SEL1L: variants seen among roughly 807,000 people sequenced by gnomAD.
SEL1L encodes the protein SEL1L adaptor subunit of SYVN1 ubiquitin ligase, also known as protein sel-1 homolog 1.
SEL1L carries 52 observed loss-of-function variants against 109.8 expected under a neutral mutation model. That is an observed-to-expected ratio of 0.47 (90% confidence interval 0.38 to 0.60). The LOEUF is 0.60. SEL1L is among the 20% of genes least tolerant of loss of function. SEL1L has a pLI of 0.00. For missense variants in SEL1L, 749 were observed against 962.2 expected, an observed-to-expected ratio of 0.78 and a Z score of 2.93; for synonymous variants, 373 against 339.6, an observed-to-expected ratio of 1.10 and a Z score of -1.08.
rs546776564 is a variant in SEL1L, at chr14:81,526,930, T to C, written c.143A>G (p.His48Arg). ...AGCAACTACTCTGCCTGCAGTAGTATGGTCCTTTACTGACTCATCTGATGT... is the reference window on the plus strand; with the variant it reads ...AGCAACTACTCTGCCTGCAGTAGTACGGTCCTTTACTGACTCATCTGATGT... ...TLTSDESVKD[H>R]TTAGRVVAGQ... Residue 48 changes from histidine to arginine, a missense_variant, in exon 3 of 21, where the codon CAT becomes CGT. By Grantham distance (29) the His-to-Arg change is conservative. Transcript: ENST00000336735. 3.1e-6 allele frequency: 5 copies of C among 1,607,672 alleles called. No individual in the cohort carries two copies. In the Admixed American group the frequency reaches 5.1e-5, roughly 16 times the overall value.
Position 81,485,695 on chromosome 14 carries a change from T to C in SEL1L, c.1850A>G (p.His617Arg). 6.2e-7 allele frequency: 1 copy of C among 1,614,108 alleles called. No homozygotes were observed. Among genetic ancestry groups the C allele is most frequent in the Non-Finnish European group, 8.5e-7 (1 of 1,179,980 alleles). ...ENETYPRALL[H>R]WNRAASQGYT... The stretch of plus-strand genomic sequence containing the variant: ...ACCTTGAGAGGCGGCCCTGTTCCAA[T>C]GTAGCAAAGCTCTGGGATAAGTTTC... Residue 617 changes from histidine (H) to arginine (R), a missense_variant, in exon 18 of 21, where the codon CAT (histidine) becomes CGT (arginine). Physicochemically the swap from His to Arg is conservative, Grantham distance 29. Coordinates refer to ENST00000336735, the MANE Select transcript of SEL1L (RefSeq NM_005065.6).
intron 3 of SEL1L, among the ~76,000 whole-genome samples, chr14:81,508,802 T>A (rs1884344957): frequency 6.6e-6 from 1 of 152,242 alleles, no homozygotes; most frequent in Non-Finnish European, 1.5e-5. Context: ...AATCTTTGTC[T>A]TAAAAACAAA....
intron 3 of SEL1L, among the ~76,000 whole-genome samples, chr14:81,523,038 AT>A (rs1469253672): frequency 6.6e-6 from 1 of 152,184 alleles, no homozygotes; most frequent in Non-Finnish European, 1.5e-5. Context: ...TGTGAAAAAA[AT>A]ATTTGATCTT....
At chr14:81,515,947 T>G (rs1884683297) in intron 3 of SEL1L, among the ~76,000 whole-genome samples, 1 of 152,054 alleles carries the variant, frequency 6.6e-6, no homozygotes. Flanking sequence ...CAAACAAACC[T>G]TGGTGGTTCA....
chr14:81,519,572 G>A (rs1034200423), intron 3 of SEL1L, among the ~76,000 whole-genome samples: 1 of 152,302 alleles, frequency 6.6e-6, no homozygotes, highest in Non-Finnish European at 1.5e-5. Flanking sequence ...GAAGAAGTTT[G>A]GATTTTACTT....
At chr14:81,505,719 T>C (rs933404485) in intron 4 of SEL1L, among the ~76,000 whole-genome samples, 2 of 152,222 alleles carry the variant, frequency 1.3e-5, no homozygotes, top group Non-Finnish European at 2.9e-5. Context: ...AAAAAGTTAT[T>C]TATTTTTCTT....
chr14:81,526,308 C>T (rs1885112094), intron 3 of SEL1L, among the ~76,000 whole-genome samples: 1 of 152,138 alleles, frequency 6.6e-6, no homozygotes, highest in Non-Finnish European at 1.5e-5. Flanking sequence ...AATCAAATTA[C>T]CTAGGATGAT....
In SEL1L at chr14:81,476,735, A is replaced by T; in HGVS notation, c.*237T>A. ...TTTCCAGAAAAGAAAAAAAAAAGCCACTGAAAGTTGTTATTCCATATGGCA... is the reference window on the plus strand; with the variant it reads ...TTTCCAGAAAAGAAAAAAAAAAGCCTCTGAAAGTTGTTATTCCATATGGCA... On this transcript the variant is annotated 3_prime_UTR_variant, in exon 21 of 21. Coordinates refer to ENST00000336735, the MANE Select transcript of SEL1L (RefSeq NM_005065.6). 2.1e-6 allele frequency: 1 copy of T among 482,422 alleles called. No homozygotes were observed. The highest frequency in any genetic ancestry group is 3.7e-6 in the Non-Finnish European group (1 of 270,486). 29.9% of individuals were successfully genotyped at this position (482,422 alleles called of 1,614,324 possible).
intron 11 of SEL1L, among the ~76,000 whole-genome samples, chr14:81,493,781 A>G (rs1566973858): frequency 6.6e-6 from 1 of 152,048 alleles, no homozygotes; most frequent in South Asian, 2.1e-4. Flanking sequence ...ATTTCAGCTC[A>G]CCTCACTCCA....
intron 12 of SEL1L, among the ~76,000 whole-genome samples, chr14:81,490,672 G>A (rs1883505673): frequency 6.6e-6 from 1 of 152,194 alleles, no homozygotes; most frequent in Admixed American, 6.5e-5. Flanking sequence ...AGGCCAAGGT[G>A]GGTGGATCAC....
At chr14:81,521,002 C>T (rs1884887452) in intron 3 of SEL1L, among the ~76,000 whole-genome samples, 1 of 152,072 alleles carries the variant, frequency 6.6e-6, no homozygotes, top group Non-Finnish European at 1.5e-5. Context: ...CAGTCACAGA[C>T]TTCTCTACAC....
chr14:81,510,752 A>G (rs911440352), intron 3 of SEL1L, among the ~76,000 whole-genome samples: 2 of 152,170 alleles, frequency 1.3e-5, no homozygotes, highest in Non-Finnish European at 2.9e-5. Context: ...ACTTCCAAAC[A>G]TAGAGTACTA....
intron 3 of SEL1L, among the ~76,000 whole-genome samples, chr14:81,518,721 T>C (rs1884801341): frequency 6.7e-6 from 1 of 148,684 alleles, no homozygotes; most frequent in African/African-American, 2.5e-5. Context: ...GGAGGAAGCC[T>C]ATTGTTTTTC....
In SEL1L at chr14:81,498,007, T is replaced by C. The variant is rs766722599; in HGVS notation, c.1013A>G (p.Gln338Arg). 1 of 1,613,972 alleles carries C rather than the reference T, an allele frequency of 6.2e-7. No homozygotes were observed. Residue 338 changes from glutamine (Q) to arginine (R), a missense_variant, in exon 10 of 21, where the codon CAG becomes CGG. Gln to Arg is a conservative substitution (Grantham distance 43, BLOSUM62 1). Coordinates refer to ENST00000336735, the MANE Select transcript of SEL1L (RefSeq NM_005065.6). ...CACTTCATCAGGCAGCCGTATTCTC[T>C]GTACTACTGAGCCTCCTGTTAGCGA... is the stretch of plus-strand genomic sequence containing the variant. The part of the protein sequence containing the change: ...DISLTGGSVV[Q>R]RIRLPDEVEN...
At chr14:81,502,652 G>T in intron 6 of SEL1L, 69 bp downstream of exon 6, 1 of 1,462,848 alleles carries the variant, frequency 6.8e-7, no homozygotes, top group Non-Finnish European at 9.3e-7. Flanking sequence ...TCAGGACATA[G>T]AGAGTAAACT....
chr14:81,515,935 GACAA>G (rs1884682738), intron 3 of SEL1L, among the ~76,000 whole-genome samples: 2 of 152,178 alleles, frequency 1.3e-5, no homozygotes, highest in Admixed American at 6.5e-5. Context: ...TGGCCCTCCA[GACAA>G]ACAAACCTTG....
At chr14:81,512,897 A>G (rs1347862329) in intron 3 of SEL1L, among the ~76,000 whole-genome samples, 1 of 152,254 alleles carries the variant, frequency 6.6e-6, no homozygotes, top group African/African-American at 2.4e-5. Context: ...CTGACTAGTT[A>G]TCTTTTGAAA....
intron 4 of SEL1L, 105 bp from the exon 5 acceptor site, chr14:81,504,411 T>C (rs1331804471): frequency 4.3e-6 from 3 of 701,222 alleles, no homozygotes; most frequent in Non-Finnish European, 2.2e-6. Flanking sequence ...ATGAATGATC[T>C]TTCACTATTC....
chr14:81,521,715 G>A (rs2140052994), intron 3 of SEL1L, among the ~76,000 whole-genome samples: 1 of 152,250 alleles, frequency 6.6e-6, no homozygotes, highest in East Asian at 1.9e-4. Flanking sequence ...ACACTTGATA[G>A]TGATAACAAA....
Sources: gnomAD v4.1 joint callset for allele counts (sites outside exome capture counted in the v4.1 genomes callset) on GRCh38, gnomAD v4.1.1 for gene constraint, MANE v1.5 for transcripts, NCBI Gene and HGNC (gene_info 2026-07-23, HGNC 2026-07-21) for gene names.